TRPM3: variants seen among roughly 807,000 people sequenced by gnomAD.
TRPM3 encodes the protein transient receptor potential cation channel subfamily M member 3.
In TRPM3, 77 loss-of-function variants were observed where a neutral mutation model predicts 181.2. The observed-to-expected ratio is 0.42, with a 90% CI of 0.35 to 0.51. The LOEUF (loss-of-function observed/expected upper bound fraction) is 0.51. Among genes scored for constraint, TRPM3 ranks in the 20% least tolerant of loss-of-function variants. The probability of loss-of-function intolerance (pLI) is 0.01; values close to 1 mark genes in which losing one functional copy is unlikely to be tolerated. For synonymous variants in TRPM3, 745 were observed against 796.4 expected (o/e 0.94, Z 1.09); for missense variants, 1,759 against 2,196.7 (o/e 0.80, Z 3.98).
intron 1 of TRPM3, among the ~76,000 whole-genome samples, chr9:71,254,456 A>G (rs2082550190): frequency 6.6e-6 from 1 of 152,200 alleles, no homozygotes; most frequent in Admixed American, 6.5e-5. Context: ...AACGTATTAC[A>G]TATTTGAACA....
At chr9:70,871,528 C>A (rs79624074) in intron 1 of TRPM3, among the ~76,000 whole-genome samples, 3,702 of 152,054 alleles carry the variant, frequency 0.024, 58 homozygotes, top group Non-Finnish European at 0.036. Flanking sequence ...GCTGCCAGAA[C>A]CCTGGGCATT....
At chr9:71,330,546 CTAA>C (rs2090035767) in intron 1 of TRPM3, among the ~76,000 whole-genome samples, 1 of 151,714 alleles carries the variant, frequency 6.6e-6, no homozygotes, top group African/African-American at 2.4e-5. Flanking sequence ...CAATATTTTT[CTAA>C]TAATAAGAAA....
chr9:70,959,511 T>C (rs2133804661), intron 1 of TRPM3, among the ~76,000 whole-genome samples: 1 of 152,232 alleles, frequency 6.6e-6, no homozygotes, highest in East Asian at 1.9e-4. Flanking sequence ...CATTTGGCAG[T>C]CAAGGAACAC....
intron 1 of TRPM3, among the ~76,000 whole-genome samples, chr9:71,226,371 A>C (rs781266774): frequency 6.6e-6 from 1 of 152,126 alleles, no homozygotes; most frequent in Non-Finnish European, 1.5e-5. Flanking sequence ...TAAACTCTCC[A>C]ATTGAAAGAC....
chr9:71,290,296 G>A (rs1057349485), intron 1 of TRPM3, among the ~76,000 whole-genome samples: 4 of 151,870 alleles, frequency 2.6e-5, no homozygotes, highest in African/African-American at 9.7e-5. Context: ...CCAATATATC[G>A]TAATGTAATT....
chr9:70,662,082 C>A (rs2133940287), intron 9 of TRPM3, among the ~76,000 whole-genome samples: 1 of 152,178 alleles, frequency 6.6e-6, no homozygotes, highest in Non-Finnish European at 1.5e-5. Context: ...GCACATAGAC[C>A]AATGGAACAG....
At chr9:70,958,040 T>C (rs2097097300) in intron 1 of TRPM3, among the ~76,000 whole-genome samples, 1 of 152,202 alleles carries the variant, frequency 6.6e-6, no homozygotes, top group South Asian at 2.1e-4. Context: ...ACCTTGCAAC[T>C]TTGAGACAGG....
intron 1 of TRPM3, among the ~76,000 whole-genome samples, chr9:70,960,602 T>G (rs1475784872): frequency 6.6e-6 from 1 of 152,156 alleles, no homozygotes; most frequent in Non-Finnish European, 1.5e-5. Context: ...GGCAGGAAAG[T>G]CTGAGGCCTC....
At chr9:71,289,875 C>CAAA (rs71352367) in intron 1 of TRPM3, among the ~76,000 whole-genome samples, 892 of 39,778 alleles carry the variant, frequency 0.022, 203 homozygotes, top group Middle Eastern at 0.056. Flanking sequence ...GACTCTGTCT[C>CAAA]AAAAAAAAAA....
intron 5 of TRPM3, among the ~76,000 whole-genome samples, chr9:70,840,201 A>G (rs1407949541): frequency 6.6e-6 from 1 of 152,202 alleles, no homozygotes; most frequent in Admixed American, 6.5e-5. Context: ...TTATAACTTG[A>G]AAAACTAACT....
At chr9:71,245,055 C>T (rs2081953956) in intron 1 of TRPM3, among the ~76,000 whole-genome samples, 1 of 152,124 alleles carries the variant, frequency 6.6e-6, no homozygotes. Flanking sequence ...AATTTCACTG[C>T]TTGGCACAGC....
intron 1 of TRPM3, among the ~76,000 whole-genome samples, chr9:71,425,748 A>C (rs2093851851): frequency 6.6e-6 from 1 of 152,186 alleles, no homozygotes; most frequent in Non-Finnish European, 1.5e-5. Flanking sequence ...CATCATGCAT[A>C]GAATAAAGTC....
intron 1 of TRPM3, among the ~76,000 whole-genome samples, chr9:71,055,852 G>C (rs188615814): frequency 6.6e-6 from 1 of 151,992 alleles, no homozygotes; most frequent in Admixed American, 6.6e-5. Context: ...AGTTTTAAGG[G>C]GACCACCCCT....
chr9:71,110,676 T>G (rs1396018008), intron 1 of TRPM3, among the ~76,000 whole-genome samples: 1 of 152,190 alleles, frequency 6.6e-6, no homozygotes, highest in Non-Finnish European at 1.5e-5. Flanking sequence ...GCTGAAGCAT[T>G]GAAAGATAAA....
At chr9:71,078,042 G>A (rs376612869) in intron 1 of TRPM3, among the ~76,000 whole-genome samples, 124 of 151,744 alleles carry the variant, frequency 8.2e-4, no homozygotes, top group African/African-American at 1.2e-3. Context: ...TAGCAACTCC[G>A]TCTCTAGAAA....
chr9:70,622,574 T>C (rs189761517), intron 14 of TRPM3, among the ~76,000 whole-genome samples: 83 of 152,342 alleles, frequency 5.4e-4, no homozygotes, highest in African/African-American at 1.7e-3. Context: ...GGAAGCATCA[T>C]TGGCCATGCT....
chr9:70,574,336 T>C (rs2053345757), intron 22 of TRPM3, among the ~76,000 whole-genome samples: 1 of 152,200 alleles, frequency 6.6e-6, no homozygotes, highest in African/African-American at 2.4e-5. Flanking sequence ...TCTCAGTTAC[T>C]GGCAGGAGGA....
At chr9:70,864,193 A>C (rs771486289) in intron 2 of TRPM3, among the ~76,000 whole-genome samples, 2 of 152,136 alleles carry the variant, frequency 1.3e-5, no homozygotes, top group Non-Finnish European at 2.9e-5. Context: ...ATATACAGTG[A>C]TTAATTCCTT....
intron 1 of TRPM3, among the ~76,000 whole-genome samples, chr9:71,085,701 T>G (rs1280890731): frequency 6.6e-6 from 1 of 152,072 alleles, no homozygotes; most frequent in Non-Finnish European, 1.5e-5. Context: ...CAACAACAGA[T>G]GCTGGCAAGG....
Sources: gnomAD v4.1 joint callset for allele counts (sites outside exome capture counted in the v4.1 genomes callset) on GRCh38, gnomAD v4.1.1 for gene constraint, MANE v1.5 for transcripts, NCBI Gene and HGNC (gene_info 2026-07-23, HGNC 2026-07-21) for gene names.